ZNF606: variants seen among roughly 807,000 people sequenced by gnomAD.
The protein encoded by ZNF606 is zinc finger protein 606.
Under a neutral mutation model 74.9 loss-of-function variants are expected in ZNF606, and 37 were observed. That is an observed-to-expected ratio of 0.49 (90% CI 0.38 to 0.65). The LOEUF (loss-of-function observed/expected upper bound fraction) is 0.65. Ranked by LOEUF, ZNF606 falls within the 30% of genes least tolerant of loss-of-function variation. The probability of loss-of-function intolerance (pLI) is 0.00; values close to 1 mark genes in which losing one functional copy is unlikely to be tolerated. For synonymous variants in ZNF606, 328 were observed against 312.4 expected (o/e 1.05, Z -0.53); for missense variants, 852 against 952.9 (o/e 0.89, Z 1.39).
intron 6 of ZNF606, among the ~76,000 whole-genome samples, chr19:57,983,742 C>G (rs1240047772): frequency 6.6e-6 from 1 of 152,106 alleles, no homozygotes; most frequent in Non-Finnish European, 1.5e-5. Flanking sequence ...TGAAGCACGA[C>G]CTGGGTACAG....
At chr19:58,001,015 T>C (rs1457769970) in intron 2 of ZNF606, 2 of 533,478 alleles carry the variant, frequency 3.7e-6, no homozygotes, top group African/African-American at 3.8e-5. Context: ...CAATATTTTA[T>C]TATATGTATC....
intron 6 of ZNF606, among the ~76,000 whole-genome samples, chr19:57,982,529 G>A (rs754749579): frequency 2.0e-5 from 3 of 152,128 alleles, no homozygotes; most frequent in Admixed American, 6.5e-5. Flanking sequence ...TTGCTACAGG[G>A]TCTAAAGCCC....
intron 6 of ZNF606, among the ~76,000 whole-genome samples, chr19:57,984,355 A>G (rs2073133625): frequency 6.6e-6 from 1 of 152,174 alleles, no homozygotes; most frequent in African/African-American, 2.4e-5. Context: ...AGGGCTCTGG[A>G]TGGTAACTAA....
chr19:57,978,986 G>A lies in ZNF606; in HGVS notation c.1694C>T (p.Ala565Val). ...LSKHERTHSG[A>V]KPYKCTECGK... is the part of the protein sequence containing the mutation. ...ACATTCAGTACATTTATATGGTTTTGCTCCAGAATGAGTTCTTTCATGTTT... is the reference window on the plus strand; with the variant it reads ...ACATTCAGTACATTTATATGGTTTTACTCCAGAATGAGTTCTTTCATGTTT... The change falls in exon 7 of 7, where the codon GCA (alanine) becomes GTA (valine). Residue 565 changes from alanine (A) to valine (V), a missense_variant. Physicochemically the swap from Ala to Val is moderately conservative, Grantham distance 64. This residue lies in a region of ZNF606 where 243 missense variants were observed against 359.2 expected (regional missense o/e 0.68). Coordinates refer to ENST00000551380, the MANE Select transcript of ZNF606 (RefSeq NM_001348022.3). The surrounding 1 kb of genome is among the most constrained non-coding windows in gnomAD (Gnocchi z 4.4). 2 of 1,612,508 alleles carry A rather than the reference G, an allele frequency of 1.2e-6. No homozygotes were observed. Among genetic ancestry groups the A allele is most frequent in the Non-Finnish European group, 1.7e-6 (2 of 1,179,612 alleles).
intron 4 of ZNF606, among the ~76,000 whole-genome samples, chr19:57,993,603 T>G (rs2073292756): frequency 2.0e-5 from 3 of 152,164 alleles, no homozygotes; most frequent in Non-Finnish European, 4.4e-5. Context: ...CTCGCACAGC[T>G]TTGCAAGTGC....
At chr19:57,987,447 C>T (rs2073181300) in intron 6 of ZNF606, among the ~76,000 whole-genome samples, 1 of 152,016 alleles carries the variant, frequency 6.6e-6, no homozygotes, top group East Asian at 1.9e-4. Context: ...TTAGCTTATA[C>T]ATTTTAAGTA....
At position 57,979,568 on chromosome 19, in the gene ZNF606, G is replaced by A. The variant is rs372741028; in HGVS notation, c.1112C>T (p.Ala371Val). The A allele has an allele frequency of 1.2e-5, 20 of 1,612,850 alleles. No individual in the cohort carries two copies. Among genetic ancestry groups the A allele is most frequent in the East Asian group, 4.5e-5 (2 of 44,868 alleles). Residue 371 changes from alanine (A) to valine (V), a missense_variant, in exon 7 of 7, where the codon GCG becomes GTG. Transcript: ENST00000551380. ...TTTCTCCCATTCATTGTATTTATAC[G>A]CTTTCTCTACAGTACCAATTTTTTG... Reference protein sequence around the residue: ...EHQKIGTVEKAYKYNEWEKVF... With the variant: ...EHQKIGTVEKVYKYNEWEKVF...
intron 3 of ZNF606, 197 bp downstream of exon 3, chr19:58,000,486 A>G (rs1210441925): frequency 1.5e-6 from 1 of 664,332 alleles, no homozygotes; most frequent in Non-Finnish European, 2.8e-6. Context: ...CGGCCTCCCA[A>G]AGTGCTGTAG....
At position 57,988,629 on chromosome 19, in the gene ZNF606, C is replaced by G; in HGVS notation, c.270G>C (p.Val90=). 1 of 1,614,132 alleles carries G rather than the reference C, an allele frequency of 6.2e-7. No homozygotes were observed. The highest frequency in any genetic ancestry group is 8.5e-7 in the Non-Finnish European group (1 of 1,180,002). ...DLVQRTLYRD[V]MLETYGHLLS... ...GCAGGTGACCATAGGTCTCCAGCAT[C>G]ACATCACGGTACAGGGTCCTCTGAA... Residue 90 remains valine (V), a synonymous_variant, in exon 5 of 7, where the codon GTG becomes GTC. Coordinates refer to ENST00000551380, the MANE Select transcript of ZNF606 (RefSeq NM_001348022.3).
chr19:57,989,757 T>G lies in ZNF606; in HGVS notation c.178-1036A>C, dbSNP rs1238290264. 5.9e-5 allele frequency among the ~76,000 whole-genome samples: 9 copies of G among 151,492 alleles called. No homozygotes were observed. The East Asian group carries it at 1.8e-3, about 30-fold the overall frequency. On this transcript the variant is annotated intron_variant, in intron 4 of 6. Transcript: ENST00000551380. ...CCACTGCACCCAGCTTCGAGTCCTT[T>G]TAAGAAATCAACTCGCCAGGCACAG... is the stretch of plus-strand genomic sequence containing the variant.
intron 4 of ZNF606, among the ~76,000 whole-genome samples, chr19:57,994,391 A>G (rs2073304667): frequency 6.6e-6 from 1 of 152,204 alleles, no homozygotes. Flanking sequence ...GGGAATTATT[A>G]CTTTTTAAAT....
intron 4 of ZNF606, among the ~76,000 whole-genome samples, chr19:57,992,900 G>C (rs191534553): frequency 5.8e-4 from 89 of 152,354 alleles, no homozygotes; most frequent in Admixed American, 4.7e-3. Context: ...GGATGCCCAT[G>C]TCCTAATCCT....
chr19:58,002,732 C>G lies in ZNF606; in HGVS notation c.-388G>C, dbSNP rs778077765. On this transcript the variant is annotated 5_prime_UTR_variant, in exon 1 of 7. Transcript: ENST00000551380. ...TCTCCCAGCCGGCTCTCCTGACCCC[C>G]CAAGCCCCGCAGCTACGGCGGCCCC... The G allele has an allele frequency of 8.4e-5, 38 of 454,114 alleles. No homozygotes were observed. The highest frequency in any genetic ancestry group is 3.0e-4 in the African/African-American group (15 of 49,608). The allele number at this position is 454,114 out of a possible 1,614,324, so 28.1% of individuals were successfully genotyped here.
intron 1 of ZNF606, among the ~76,000 whole-genome samples, 158 bp from the exon 2 acceptor site, chr19:58,001,528 G>A (rs1299679318): frequency 6.6e-6 from 1 of 152,196 alleles, no homozygotes; most frequent in African/African-American, 2.4e-5. Flanking sequence ...ACAATTCCTG[G>A]AGAGAAATGA....
intron 4 of ZNF606, among the ~76,000 whole-genome samples, chr19:57,993,941 C>T (rs2073298132): frequency 6.6e-6 from 1 of 152,138 alleles, no homozygotes; most frequent in African/African-American, 2.4e-5. Context: ...AGCCTCACAG[C>T]CCTGCCCTGA....
chr19:57,979,565 T>C lies in ZNF606; in HGVS notation c.1115A>G (p.Tyr372Cys), dbSNP rs781044607. Reference sequence around the variant, plus strand: ...GACTTTCTCCCATTCATTGTATTTATACGCTTTCTCTACAGTACCAATTTT... The same window carrying C: ...GACTTTCTCCCATTCATTGTATTTACACGCTTTCTCTACAGTACCAATTTT... Reference protein sequence around the residue: ...HQKIGTVEKAYKYNEWEKVFG... With the variant: ...HQKIGTVEKACKYNEWEKVFG... Residue 372 changes from tyrosine (Y) to cysteine (C), a missense_variant, in exon 7 of 7, where the codon TAT becomes TGT. This residue lies in a region of ZNF606 where 545 missense variants were observed against 542.5 expected (regional missense o/e 1.00). Coordinates refer to ENST00000551380, the MANE Select transcript of ZNF606 (RefSeq NM_001348022.3). 3 of 1,613,204 alleles carry C rather than the reference T, an allele frequency of 1.9e-6. No individual in the cohort carries two copies. Among genetic ancestry groups the C allele is most frequent in the African/African-American group, 2.7e-5 (2 of 74,892 alleles).
At chr19:57,987,953 TAACCTTAGAGGC>T (rs1310312002) in intron 6 of ZNF606, among the ~76,000 whole-genome samples, 6 of 152,088 alleles carry the variant, frequency 3.9e-5, no homozygotes, top group East Asian at 3.9e-4. Context: ...GGATAAGAGG[TAACCTTAGAGGC>T]AACCTTAGAG....
rs186040803 is a variant in ZNF606, at chr19:57,991,396, A to G, written c.178-2675T>C. 3.8e-4 allele frequency among the ~76,000 whole-genome samples: 58 copies of G among 151,776 alleles called. No homozygotes were observed. The Middle Eastern group carries it at 0.024, about 63-fold the overall frequency. ...ACCTCCCTCTATGAAACACTCCCCA[A>G]CCCCCATGGTCAATGACAACTTCTT... On this transcript the variant is annotated intron_variant, in intron 4 of 6. Transcript: ENST00000551380.
At chr19:57,988,529 A>T in intron 5 of ZNF606, 66 bp downstream of exon 5, 1 of 1,563,862 alleles carries the variant, frequency 6.4e-7, no homozygotes, top group East Asian at 2.3e-5. Flanking sequence ...TGAGCTTCTA[A>T]ACATGGAGCA....
Sources: gnomAD v4.1 joint callset for allele counts (sites outside exome capture counted in the v4.1 genomes callset) on GRCh38, gnomAD v4.1.1 for gene constraint, gnomAD v4.1.1 regional missense constraint, Gnocchi (gnomAD v3.1) non-coding constraint, MANE v1.5 for transcripts, NCBI Gene and HGNC (gene_info 2026-07-23, HGNC 2026-07-21) for gene names.